Variants in CCDC148 observed in about 807,000 individuals in gnomAD.
CCDC148 encodes the protein coiled-coil domain-containing protein 148.
A neutral mutation model predicts 85.7 loss-of-function variants in CCDC148; 89 were observed. The observed-to-expected ratio is 1.04, with a 90% CI of 0.87 to 1.24. The LOEUF is 1.24. Ranked by LOEUF, CCDC148 falls within the 50% of genes most tolerant of loss-of-function variation. CCDC148 has a pLI of 0.00. For synonymous variants in CCDC148, 230 were observed against 213.9 expected, an observed-to-expected ratio of 1.08 and a Z score of -0.66; for missense variants, 692 against 671.7, an observed-to-expected ratio of 1.03 and a Z score of -0.33.
chr2:158,239,591 T>C (rs1688262983), intron 10 of CCDC148, among the ~76,000 whole-genome samples: 1 of 152,162 alleles, frequency 6.6e-6, no homozygotes, highest in African/African-American at 2.4e-5. Flanking sequence ...ATAAGGTTGA[T>C]TTAAATTAAT....
chr2:158,267,985 T>C (rs769465812), intron 9 of CCDC148, among the ~76,000 whole-genome samples: 2 of 152,226 alleles, frequency 1.3e-5, no homozygotes, highest in Non-Finnish European at 1.5e-5. Context: ...GGATTGTTTA[T>C]ACATTCATTA....
intron 10 of CCDC148, among the ~76,000 whole-genome samples, chr2:158,245,897 G>C (rs1193261734): frequency 2.0e-5 from 3 of 152,104 alleles, no homozygotes; most frequent in Non-Finnish European, 2.9e-5. Flanking sequence ...AACAACTTAG[G>C]AATCAAAACT....
In CCDC148 at chr2:158,373,179, T is replaced by C. The variant is rs777589104; in HGVS notation, c.26-14609A>G. Among the ~76,000 whole-genome samples the C allele has an allele frequency of 2.0e-4, 30 of 152,054 alleles. No homozygotes were observed. The Middle Eastern group carries it at 0.014, about 69-fold the overall frequency. ...GTGAGAAAGCAGGAAGGTTTGAAGA[T>C]GTCATGCTTCTGGCGTTGAAGAAGC... is the stretch of plus-strand genomic sequence containing the variant. On this transcript the variant is annotated intron_variant, in intron 1 of 13. Transcript: ENST00000283233.
chr2:158,227,332 C>A (rs1417348567), intron 10 of CCDC148, among the ~76,000 whole-genome samples: 3 of 151,344 alleles, frequency 2.0e-5, no homozygotes, highest in African/African-American at 7.3e-5. Flanking sequence ...GAAGAACATT[C>A]CATGCTCATG....
intron 7 of CCDC148, among the ~76,000 whole-genome samples, chr2:158,323,648 C>T (rs1692622137): frequency 6.6e-6 from 1 of 152,058 alleles, no homozygotes; most frequent in Admixed American, 6.6e-5. Flanking sequence ...GTAATCTTGC[C>T]CAACCATTTA....
chr2:158,335,342 T>C (rs1682322362), intron 7 of CCDC148, among the ~76,000 whole-genome samples: 1 of 152,238 alleles, frequency 6.6e-6, no homozygotes, highest in Non-Finnish European at 1.5e-5. Context: ...TAGTGAATTT[T>C]GCTTCCTCCA....
chr2:158,286,314 C>A (rs1205643284), intron 9 of CCDC148, among the ~76,000 whole-genome samples: 1 of 151,984 alleles, frequency 6.6e-6, no homozygotes, highest in African/African-American at 2.4e-5. Flanking sequence ...ATTCTTTATT[C>A]TTTTACTTTC....
chr2:158,223,577 G>C (rs1039557090), intron 10 of CCDC148, among the ~76,000 whole-genome samples: 8 of 152,138 alleles, frequency 5.3e-5, no homozygotes, highest in Non-Finnish European at 1.2e-4. Flanking sequence ...CCCCAGTAGG[G>C]GCAGACTGAC....
intron 1 of CCDC148, among the ~76,000 whole-genome samples, chr2:158,408,000 T>C (rs1482344413): frequency 3.3e-5 from 5 of 152,210 alleles, no homozygotes; most frequent in South Asian, 2.1e-4. Context: ...GGTCCATTCA[T>C]TGGTGGGAGT....
chr2:158,224,768 C>T (rs563128863), intron 10 of CCDC148, among the ~76,000 whole-genome samples: 1 of 152,252 alleles, frequency 6.6e-6, no homozygotes, highest in South Asian at 2.1e-4. Flanking sequence ...GATTTTGTCA[C>T]CACCAGGCCT....
chr2:158,176,245 T>G (rs943550448), intron 13 of CCDC148, among the ~76,000 whole-genome samples: 2 of 151,912 alleles, frequency 1.3e-5, no homozygotes, highest in Non-Finnish European at 2.9e-5. Flanking sequence ...AAATAAAATT[T>G]TATAAAGCAT....
chr2:158,255,412 A>G lies in CCDC148; in HGVS notation c.1111-4500T>C, dbSNP rs189102236. 1.5e-3 allele frequency among the ~76,000 whole-genome samples: 227 copies of G among 151,888 alleles called. 2 individuals carry two copies. Among genetic ancestry groups the G allele is most frequent in the African/African-American group, 5.2e-3 (214 of 41,520 alleles). On this transcript the variant is annotated intron_variant, in intron 9 of 13. Coordinates refer to ENST00000283233, the MANE Select transcript of CCDC148 (RefSeq NM_138803.4). Reference sequence around the variant, plus strand: ...GGTATCTAAGCAATAAGGCAAAACAACTTTTAAGAATGCACACTGGATAAG... The same window carrying G: ...GGTATCTAAGCAATAAGGCAAAACAGCTTTTAAGAATGCACACTGGATAAG...
At chr2:158,238,354 G>GT (rs1688204117) in intron 10 of CCDC148, among the ~76,000 whole-genome samples, 9 of 152,068 alleles carry the variant, frequency 5.9e-5, no homozygotes. Context: ...GTAAGGGGAG[G>GT]TAAGGGGTAC....
At chr2:158,181,633 T>C (rs1003639188) in intron 11 of CCDC148, among the ~76,000 whole-genome samples, 4 of 152,050 alleles carry the variant, frequency 2.6e-5, no homozygotes, top group African/African-American at 9.7e-5. Context: ...GGAGCAGGAA[T>C]GCACCAGGAG....
chr2:158,219,711 T>A (rs1039615080), intron 11 of CCDC148, among the ~76,000 whole-genome samples: 1 of 152,202 alleles, frequency 6.6e-6, no homozygotes, highest in African/African-American at 2.4e-5. Flanking sequence ...AAGTTGGGTA[T>A]TCCCTGTTTG....
intron 10 of CCDC148, among the ~76,000 whole-genome samples, chr2:158,228,094 C>T (rs1687647369): frequency 6.6e-6 from 1 of 152,030 alleles, no homozygotes; most frequent in South Asian, 2.1e-4. Flanking sequence ...CTACAATGAA[C>T]TCCAACAAAT....
At chr2:158,201,720 T>C (rs1685972818) in intron 11 of CCDC148, among the ~76,000 whole-genome samples, 1 of 152,160 alleles carries the variant, frequency 6.6e-6, no homozygotes, top group African/African-American at 2.4e-5. Flanking sequence ...CCCAGAGTTT[T>C]CAAAAGTTAC....
chr2:158,433,628 C>G (rs954329733), intron 1 of CCDC148, among the ~76,000 whole-genome samples: 64 of 152,054 alleles, frequency 4.2e-4, no homozygotes, highest in Non-Finnish European at 8.5e-4. Flanking sequence ...TGCGGCTTGT[C>G]AGACAGTGGG....
intron 9 of CCDC148, among the ~76,000 whole-genome samples, chr2:158,295,888 G>A (rs975726804): frequency 1.3e-5 from 2 of 152,012 alleles, no homozygotes; most frequent in African/African-American, 4.8e-5. Flanking sequence ...AATTAGTCAG[G>A]AGAAGGAAAT....
Sources: allele counts gnomAD v4.1 joint callset (sites outside exome capture counted in the v4.1 genomes callset), GRCh38; gene constraint gnomAD v4.1.1; transcripts MANE v1.5; gene names NCBI Gene and HGNC (gene_info 2026-07-23, HGNC 2026-07-21).